PABPN1: variants seen among roughly 807,000 people sequenced by gnomAD.
PABPN1 encodes the protein poly(A) binding protein nuclear 1.
A neutral mutation model predicts 33.4 loss-of-function variants in PABPN1; 5 were observed. The observed-to-expected ratio is 0.15, with a 90% CI of 0.08 to 0.32. The LOEUF (loss-of-function observed/expected upper bound fraction) is 0.32, where lower values mean the gene tolerates loss of function less well. Ranked by LOEUF, PABPN1 falls within the 10% of genes least tolerant of loss-of-function variation. The pLI is 1.00. For synonymous variants in PABPN1, 176 were observed against 170.6 expected, an observed-to-expected ratio of 1.03 and a Z score of -0.25; for missense variants, 312 against 425.8, an observed-to-expected ratio of 0.73 and a Z score of 2.35.
Position 23,322,267 on chromosome 14 carries a change from G to A in PABPN1, c.438G>A (p.Gln146=). 1 of 1,607,772 alleles carries A rather than the reference G, an allele frequency of 6.2e-7. No individual in the cohort carries two copies. Among genetic ancestry groups the A allele is most frequent in the East Asian group, 2.2e-5 (1 of 44,774 alleles). ...LKELQNEVEK[Q]MNMSPPPGNA... is the part of the protein sequence containing the mutation. Reference sequence around the variant, plus strand: ...AGCTACAGAACGAGGTAGAGAAGCAGATGAATATGAGTCCACCTCCAGGCA... The same window carrying A: ...AGCTACAGAACGAGGTAGAGAAGCAAATGAATATGAGTCCACCTCCAGGCA... The change falls in exon 2 of 7, where the codon CAG becomes CAA. Residue 146 remains glutamine (Q), a synonymous_variant. Transcript: ENST00000216727.
rs1162990942 is a variant in PABPN1 at position 23,321,739 on chromosome 14, G to A, written c.270G>A (p.Ser90=). ...GAGCTCCGGGCCCTGGGCCTGGTTC[G>A]GGAGCCCCCGGCAGCCAAGAGGAGG... is the stretch of plus-strand genomic sequence containing the variant. ...PPGAPGPGPG[S]GAPGSQEEEE... The change falls in exon 1 of 7, where the codon TCG becomes TCA. Residue 90 remains serine, a synonymous_variant. Coordinates refer to ENST00000216727, the MANE Select transcript of PABPN1 (RefSeq NM_004643.4). 1.3e-6 allele frequency: 2 copies of A among 1,540,914 alleles called. No homozygotes were observed. The highest frequency in any genetic ancestry group is 1.7e-6 in the Non-Finnish European group (2 of 1,143,386).
At chr14:23,323,151 G>C in intron 3 of PABPN1, 85 bp downstream of exon 3, 1 of 1,580,970 alleles carries the variant, frequency 6.3e-7, no homozygotes, top group Non-Finnish European at 8.7e-7. Context: ...ACATCTCCGG[G>C]ATAGATGTGG....
At chr14:23,323,524 T>C in intron 4 of PABPN1, 41 bp downstream of exon 4, 1 of 1,536,840 alleles carries the variant, frequency 6.5e-7, no homozygotes, top group African/African-American at 1.4e-5. Context: ...TAAATTACAG[T>C]GTACAAATAG....
rs772490762 is a variant in PABPN1 at position 23,321,741 on chromosome 14, G to A, written c.272G>A (p.Gly91Glu). The part of the protein sequence containing the change: ...PGAPGPGPGS[G>E]APGSQEEEEE... ...GCTCCGGGCCCTGGGCCTGGTTCGG[G>A]AGCCCCCGGCAGCCAAGAGGAGGAG... The change falls in exon 1 of 7, where the codon GGA becomes GAA. Residue 91 changes from glycine to glutamate, a missense_variant. Physicochemically the swap from Gly to Glu is moderately conservative, Grantham distance 98 (BLOSUM62 -2). This residue lies in a region of PABPN1 where 167 missense variants were observed against 168.9 expected (regional missense o/e 0.99). Transcript: ENST00000216727. 7 of 1,541,166 alleles carry A rather than the reference G, an allele frequency of 4.5e-6. No homozygotes were observed. In the South Asian group the frequency reaches 7.2e-5, roughly 16 times the overall value.
In PABPN1 at chr14:23,321,509, G is replaced by C; in HGVS notation, c.40G>C (p.Ala14Pro). ...GGCGGCGGCAGCAGCAGCGGGGGCTGCGGGCGGTCGGGGCTCCGGGCCGGG... is the reference window on the plus strand; with the variant it reads ...GGCGGCGGCAGCAGCAGCGGGGGCTCCGGGCGGTCGGGGCTCCGGGCCGGG... Reference protein sequence around the residue: ...AAAAAAAAGAAGGRGSGPGRR... With the variant: ...AAAAAAAAGAPGGRGSGPGRR... Residue 14 changes from alanine to proline, a missense_variant, in exon 1 of 7, where the codon GCG becomes CCG. Physicochemically the swap from Ala to Pro is conservative, Grantham distance 27. Coordinates refer to ENST00000216727, the MANE Select transcript of PABPN1 (RefSeq NM_004643.4). The C allele has an allele frequency of 8.1e-7, 1 of 1,232,954 alleles. No homozygotes were observed. The allele number at this position is 1,232,954 out of a possible 1,614,324, so 76.4% of individuals were successfully genotyped here.
At chr14:23,325,092 A>T in intron 6 of PABPN1, 155 bp from the exon 7 acceptor site, 2 of 983,706 alleles carry the variant, frequency 2.0e-6, no homozygotes, top group Non-Finnish European at 2.9e-6. Context: ...CAGGTGCGTT[A>T]CTATTTCTGG....
At chr14:23,322,875 A>C in intron 2 of PABPN1, 124 bp from the exon 3 acceptor site, 1 of 1,295,600 alleles carries the variant, frequency 7.7e-7, no homozygotes, top group South Asian at 1.2e-5. Context: ...AGCAGGGAAC[A>C]GCACAGACCA....
In PABPN1 at chr14:23,321,512, G is replaced by C; in HGVS notation, c.43G>C (p.Gly15Arg). Residue 15 changes from glycine (G) to arginine (R), a missense_variant, in exon 1 of 7, where the codon GGC (glycine) becomes CGC (arginine). Gly to Arg is a moderately radical substitution (Grantham distance 125, BLOSUM62 -2). Transcript: ENST00000216727. ...AAAAAAAGAA[G>R]GRGSGPGRRR... ...GGCGGCAGCAGCAGCGGGGGCTGCG[G>C]GCGGTCGGGGCTCCGGGCCGGGGCG... is the stretch of plus-strand genomic sequence containing the variant. The C allele has an allele frequency of 8.1e-7, 1 of 1,236,304 alleles. No individual in the cohort carries two copies. The highest frequency in any genetic ancestry group is 1.0e-6 in the Non-Finnish European group (1 of 988,272). The allele number at this position is 1,236,304 out of a possible 1,614,324, so 76.6% of individuals were successfully genotyped here. A position where few individuals can be genotyped will look rare whatever the true frequency, so the allele number is the denominator to read the frequency against.
intron 5 of PABPN1, 37 bp downstream of exon 5, chr14:23,324,089 A>C (rs1316307544): frequency 1.9e-6 from 3 of 1,613,982 alleles, no homozygotes; most frequent in Non-Finnish European, 2.5e-6. Context: ...GTTGTGTATA[A>C]ACTCTCCAGG....
At chr14:23,325,157 A>G in intron 6 of PABPN1, 90 bp from the exon 7 acceptor site, 1 of 1,559,844 alleles carries the variant, frequency 6.4e-7, no homozygotes, top group South Asian at 1.1e-5. Context: ...CCTTCCCTTC[A>G]CAGTAACTGG....
intron 6 of PABPN1, 104 bp downstream of exon 6, chr14:23,324,393 G>A (rs1888582127): frequency 6.6e-7 from 1 of 1,505,838 alleles, no homozygotes; most frequent in Non-Finnish European, 9.0e-7. Context: ...CCTCCCCGTG[G>A]TCTTCAGGAA....
chr14:23,323,500 A>G lies in PABPN1; in HGVS notation c.641+17A>G, dbSNP rs780071417. The G allele has an allele frequency of 1.2e-5, 19 of 1,598,896 alleles. No individual in the cohort carries two copies. The highest frequency in any genetic ancestry group is 6.7e-5 in the Admixed American group (4 of 60,014). ...TCCCAAAGGGTAAGTAAAGGGGAGT[A>G]AGTTGAGATAATTTAAATTACAGTG... On this transcript the variant is annotated intron_variant, in intron 4 of 6. Transcript: ENST00000216727.
At chr14:23,323,161 G>C (rs1037985944) in intron 3 of PABPN1, 95 bp downstream of exon 3, 3 of 1,556,538 alleles carry the variant, frequency 1.9e-6, no homozygotes, top group East Asian at 2.2e-5. Context: ...GATAGATGTG[G>C]TTTTGGGTGT....
chr14:23,321,466 G>C lies in PABPN1; in HGVS notation c.-4G>C. Reference sequence around the variant, plus strand: ...CCGGGCGGCGGGCCCCAGTCTGAGCGGCGATGGCGGCGGCGGCGGCGGCGG... The same window carrying C: ...CCGGGCGGCGGGCCCCAGTCTGAGCCGCGATGGCGGCGGCGGCGGCGGCGG... On this transcript the variant is annotated 5_prime_UTR_variant, in exon 1 of 7. Transcript: ENST00000216727. The C allele has an allele frequency of 8.7e-7, 1 of 1,154,516 alleles. No homozygotes were observed. Among genetic ancestry groups the C allele is most frequent in the Non-Finnish European group, 1.1e-6 (1 of 940,184 alleles). 71.5% of individuals were successfully genotyped at this position (1,154,516 alleles called of 1,614,324 possible). A position where few individuals can be genotyped will look rare whatever the true frequency, so the allele number is the denominator to read the frequency against.
chr14:23,322,315 A>T lies in PABPN1; in HGVS notation c.466+20A>T. On this transcript the variant is annotated intron_variant, in intron 2 of 6. Coordinates refer to ENST00000216727, the MANE Select transcript of PABPN1 (RefSeq NM_004643.4). ...GCAATGGTGAGTAACTGGCGGTTGC[A>T]CGCGGAGCCCGGGTTCTCGGGTTGG... The T allele has an allele frequency of 2.5e-6, 4 of 1,580,256 alleles. No homozygotes were observed. Among genetic ancestry groups the T allele is most frequent in the Non-Finnish European group, 2.6e-6 (3 of 1,161,744 alleles).
chr14:23,323,151 G>A, intron 3 of PABPN1, 85 bp downstream of exon 3: 2 of 1,580,970 alleles, frequency 1.3e-6, no homozygotes, highest in Non-Finnish European at 1.7e-6. Context: ...ACATCTCCGG[G>A]ATAGATGTGG....
chr14:23,324,250 A>G lies in PABPN1; in HGVS notation c.842A>G (p.Tyr281Cys), dbSNP rs774866651. ...TNYNSSRSRF[Y>C]SGFNSRPRGR... ...TACAACAGCTCCCGCTCTCGATTCT[A>G]CAGTGGTTTTAACAGCAGGCCCCGG... The change falls in exon 6 of 7, where the codon TAC becomes TGC. Residue 281 changes from tyrosine (Y) to cysteine (C), a missense_variant. This residue lies in a region of PABPN1 where 68 missense variants were observed against 71.1 expected (regional missense o/e 0.96). Transcript: ENST00000216727. 1 of 1,613,916 alleles carries G rather than the reference A, an allele frequency of 6.2e-7. No homozygotes were observed. Among genetic ancestry groups the G allele is most frequent in the South Asian group, 1.1e-5 (1 of 91,070 alleles).
At chr14:23,324,433 A>G (rs567436422) in intron 6 of PABPN1, 144 bp downstream of exon 6, 1 of 1,131,532 alleles carries the variant, frequency 8.8e-7, no homozygotes, top group South Asian at 1.3e-5. Context: ...AGGTTGAGGA[A>G]GGTAGTTGCA....
At chr14:23,324,419 G>A in intron 6 of PABPN1, 130 bp downstream of exon 6, 2 of 1,306,268 alleles carry the variant, frequency 1.5e-6, no homozygotes, top group Non-Finnish European at 2.2e-6. Flanking sequence ...TCTCCTGCCT[G>A]TGCAGGTTGA....
Sources: allele counts gnomAD v4.1 joint callset, GRCh38; gene constraint gnomAD v4.1.1; regional missense constraint gnomAD v4.1.1; transcripts MANE v1.5; gene names NCBI Gene and HGNC (gene_info 2026-07-23, HGNC 2026-07-21).